MANBA: variants seen among roughly 807,000 people sequenced by gnomAD.
The protein encoded by MANBA is beta-mannosidase.
In MANBA, 83 loss-of-function variants were observed where a neutral mutation model predicts 111.1. That is an observed-to-expected ratio of 0.75 (90% CI 0.63 to 0.90). The LOEUF (loss-of-function observed/expected upper bound fraction) is 0.90. Among genes scored for constraint, MANBA ranks in the 40% least tolerant of loss-of-function variants. MANBA has a pLI of 0.00. For missense variants in MANBA, 1,036 were observed against 1,069.0 expected (o/e 0.97, Z 0.43); for synonymous variants, 370 against 378.7 (o/e 0.98, Z 0.27).
At chr4:102,699,020 T>G (rs1732879449) in intron 5 of MANBA, among the ~76,000 whole-genome samples, 1 of 152,166 alleles carries the variant, frequency 6.6e-6, no homozygotes, top group Admixed American at 6.5e-5. Flanking sequence ...GTTTGTATCC[T>G]CTTTTATTTC....
intron 12 of MANBA, 159 bp from the exon 13 acceptor site, chr4:102,650,860 T>C: frequency 3.1e-6 from 2 of 646,356 alleles, no homozygotes; most frequent in South Asian, 1.9e-5. Flanking sequence ...ATCCTACTTG[T>C]TGCCAGTGAA....
chr4:102,744,960 C>T (rs1317906793), intron 1 of MANBA, among the ~76,000 whole-genome samples: 1 of 152,140 alleles, frequency 6.6e-6, no homozygotes, highest in Admixed American at 6.5e-5. Flanking sequence ...CTACCTGCTA[C>T]GTATGTCTAT....
At chr4:102,669,670 C>G (rs906111841) in intron 9 of MANBA, among the ~76,000 whole-genome samples, 1 of 152,054 alleles carries the variant, frequency 6.6e-6, no homozygotes, top group Admixed American at 6.5e-5. Flanking sequence ...AATGGTGAAA[C>G]CCGGTCTCTA....
At chr4:102,727,809 G>A (rs1383683844) in intron 1 of MANBA, 3 of 643,132 alleles carry the variant, frequency 4.7e-6, no homozygotes, top group Non-Finnish European at 5.6e-6. Context: ...ACATTCTGAT[G>A]GAGAAATACT....
At chr4:102,671,834 T>C (rs1731512514) in intron 8 of MANBA, 1 of 425,642 alleles carries the variant, frequency 2.3e-6, no homozygotes, top group Non-Finnish European at 4.1e-6. Context: ...CTAGTAAATT[T>C]CCTTTCTACT....
Position 102,722,804 on chromosome 4 carries a change from A to G in MANBA, c.549+67T>C. The G allele has an allele frequency of 3.3e-6, 5 of 1,493,358 alleles. No homozygotes were observed. In the South Asian group the frequency reaches 5.7e-5, roughly 17 times the overall value. 92.5% of individuals were successfully genotyped at this position (1,493,358 alleles called of 1,614,324 possible). A position where few individuals can be genotyped will look rare whatever the true frequency, so the allele number is the denominator to read the frequency against. ...TGAAATGCCATGGGAGTCTTCAAAT[A>G]AGCATTTCATATGCCAGCACACCCC... On this transcript the variant is annotated intron_variant, in intron 4 of 16. Coordinates refer to ENST00000647097, the MANE Select transcript of MANBA (RefSeq NM_005908.4).
rs557064223 is a variant in MANBA, at chr4:102,635,306, G to T, written c.2158-261C>A. ...GAATTTAAAAAATAATCCACGGAAGGCACAGTACCTGGTGCGTTGTAATTT... is the reference window on the plus strand; with the variant it reads ...GAATTTAAAAAATAATCCACGGAAGTCACAGTACCTGGTGCGTTGTAATTT... On this transcript the variant is annotated intron_variant, in intron 15 of 16. Coordinates refer to ENST00000647097, the MANE Select transcript of MANBA (RefSeq NM_005908.4). Among the ~76,000 whole-genome samples, 9 of 152,266 alleles carry T rather than the reference G, an allele frequency of 5.9e-5. No homozygotes were observed. In the East Asian group the frequency reaches 1.5e-3, roughly 26 times the overall value.
chr4:102,692,597 CA>C (rs1017030059), intron 5 of MANBA, among the ~76,000 whole-genome samples: 3 of 151,932 alleles, frequency 2.0e-5, no homozygotes, highest in African/African-American at 7.3e-5. Context: ...CATGAGATCT[CA>C]AAAAAGCTTG....
Position 102,739,637 on chromosome 4 carries a change from C to CAT in MANBA, c.178-12956_178-12955dup, listed in dbSNP as rs937216124. Among the ~76,000 whole-genome samples the CAT allele has an allele frequency of 6.2e-4, 95 of 152,094 alleles. 1 individual carries two copies. The highest frequency in any genetic ancestry group is 2.2e-3 in the African/African-American group (92 of 41,526). On this transcript the variant is annotated intron_variant, in intron 1 of 16. Transcript: ENST00000647097. ...GGGTTTCATACCAGGGATGCAGGTA[C>CAT]ATATGCAAGTCAATAAATGTGATAC...
intron 11 of MANBA, among the ~76,000 whole-genome samples, chr4:102,660,247 G>A (rs142353220): frequency 6.6e-6 from 1 of 151,988 alleles, no homozygotes; most frequent in Non-Finnish European, 1.5e-5. Context: ...CAGTCACTCT[G>A]AGTAGTAGCA....
At chr4:102,717,908 T>C (rs554154004) in intron 4 of MANBA, among the ~76,000 whole-genome samples, 4 of 152,278 alleles carry the variant, frequency 2.6e-5, no homozygotes, top group East Asian at 3.9e-4. Flanking sequence ...GCTGTGATCA[T>C]TTTTTTCTGA....
rs180803113 is a variant in MANBA at position 102,661,643 on chromosome 4, C to T, written c.1485+3042G>A. Among the ~76,000 whole-genome samples the T allele has an allele frequency of 9.2e-5, 14 of 152,350 alleles. No homozygotes were observed. In the East Asian group the frequency reaches 2.7e-3, roughly 29 times the overall value. On this transcript the variant is annotated intron_variant, in intron 11 of 16. Coordinates refer to ENST00000647097, the MANE Select transcript of MANBA (RefSeq NM_005908.4). ...TGAGATTCTTGAGAAATTTGGCACG[C>T]TGAGCCATGCAGTAAAATTACAAAC...
chr4:102,667,273 A>G (rs998484852), intron 10 of MANBA: 1 of 152,210 alleles, frequency 6.6e-6, no homozygotes, highest in African/African-American at 2.4e-5. Context: ...AGGGAGTCCA[A>G]TCAGAAAACA....
At chr4:102,727,930 C>T (rs1722872974) in intron 1 of MANBA, 2 of 472,180 alleles carry the variant, frequency 4.2e-6, no homozygotes, top group East Asian at 9.4e-5. Context: ...TCTTTGCAAG[C>T]AAAGTCTACT....
intron 1 of MANBA, chr4:102,752,492 A>T: frequency 1.3e-6 from 1 of 744,994 alleles, no homozygotes; most frequent in Admixed American, 1.7e-5. Flanking sequence ...AAGTTGTGGG[A>T]TACAAGAAGT....
chr4:102,754,786 G>A (rs1381935714), intron 1 of MANBA, among the ~76,000 whole-genome samples: 4 of 152,004 alleles, frequency 2.6e-5, no homozygotes, highest in Admixed American at 6.6e-5. Flanking sequence ...TCGATCTCCC[G>A]ACCTCGTGAT....
At chr4:102,671,683 A>T (rs913877738) in intron 8 of MANBA, among the ~76,000 whole-genome samples, 2 of 152,240 alleles carry the variant, frequency 1.3e-5, no homozygotes, top group Non-Finnish European at 2.9e-5. Flanking sequence ...GTCTTATAAA[A>T]AATACAGTTG....
At chr4:102,635,660 C>A (rs909264755) in intron 15 of MANBA, among the ~76,000 whole-genome samples, 1 of 152,184 alleles carries the variant, frequency 6.6e-6, no homozygotes, top group Admixed American at 6.5e-5. Context: ...AGACTGGTAT[C>A]ATTTTACTGA....
At chr4:102,704,478 G>A (rs751999851) in intron 5 of MANBA, among the ~76,000 whole-genome samples, 3 of 152,062 alleles carry the variant, frequency 2.0e-5, no homozygotes, top group Non-Finnish European at 4.4e-5. Flanking sequence ...CCTTGCATTA[G>A]TTTTGACCCA....
Sources: allele counts gnomAD v4.1 joint callset (sites outside exome capture counted in the v4.1 genomes callset), GRCh38; gene constraint gnomAD v4.1.1; transcripts MANE v1.5; gene names NCBI Gene and HGNC (gene_info 2026-07-23, HGNC 2026-07-21).